Variants in GPC5 observed in about 807,000 individuals in gnomAD.
GPC5 encodes the protein glypican-5.
In GPC5, 47 loss-of-function variants were observed where a neutral mutation model predicts 53.9. The observed-to-expected ratio is 0.87, with a 90% CI of 0.69 to 1.11. The LOEUF is 1.11. Ranked by LOEUF, GPC5 falls within the 50% of genes most tolerant of loss-of-function variation. The probability of loss-of-function intolerance (pLI) is 0.00; values close to 1 mark genes in which losing one functional copy is unlikely to be tolerated. For synonymous variants in GPC5, 286 were observed against 263.3 expected, an observed-to-expected ratio of 1.09 and a Z score of -0.84; for missense variants, 748 against 713.1, an observed-to-expected ratio of 1.05 and a Z score of -0.56.
intron 6 of GPC5, among the ~76,000 whole-genome samples, chr13:91,920,290 T>C (rs1566342328): frequency 6.6e-6 from 1 of 152,012 alleles, no homozygotes; most frequent in African/African-American, 2.4e-5. Flanking sequence ...AAAATAAATA[T>C]ATTAAAAATT....
At chr13:91,550,966 T>C (rs2030603809) in intron 2 of GPC5, among the ~76,000 whole-genome samples, 1 of 152,150 alleles carries the variant, frequency 6.6e-6, no homozygotes, top group Non-Finnish European at 1.5e-5. Context: ...GAATTGTGAG[T>C]CAACTAAACC....
At chr13:92,072,010 T>C (rs2041215561) in intron 6 of GPC5, among the ~76,000 whole-genome samples, 1 of 146,410 alleles carries the variant, frequency 6.8e-6, no homozygotes, top group African/African-American at 2.5e-5. Flanking sequence ...TATTGATAGG[T>C]ATTTATATCC....
At chr13:92,107,464 C>G (rs112634194) in intron 6 of GPC5, among the ~76,000 whole-genome samples, 8 of 152,144 alleles carry the variant, frequency 5.3e-5, no homozygotes, top group African/African-American at 1.9e-4. Flanking sequence ...CTTAATAACC[C>G]TGCAGACTTA....
intron 7 of GPC5, among the ~76,000 whole-genome samples, chr13:92,186,689 C>G (rs1433880241): frequency 6.6e-6 from 1 of 152,114 alleles, no homozygotes; most frequent in Admixed American, 6.5e-5. Context: ...CTGACTGCAT[C>G]GTCAAGGATT....
intron 7 of GPC5, among the ~76,000 whole-genome samples, chr13:92,280,262 A>G (rs7139387): frequency 0.026 from 3,919 of 152,160 alleles, 161 homozygotes; most frequent in African/African-American, 0.09. Flanking sequence ...CTGTCTTCTT[A>G]GTATAAGGAT....
At chr13:91,651,718 C>CAAG (rs1555334078) in intron 2 of GPC5, among the ~76,000 whole-genome samples, 3 of 91,872 alleles carry the variant, frequency 3.3e-5, no homozygotes, top group Non-Finnish European at 7.6e-5. Flanking sequence ...AACTCAGTCT[C>CAAG]AAAAAAAAAA....
chr13:92,662,614 A>G (rs1454039806), intron 7 of GPC5, among the ~76,000 whole-genome samples: 1 of 152,164 alleles, frequency 6.6e-6, no homozygotes, highest in Non-Finnish European at 1.5e-5. Context: ...TTTCCTTTGG[A>G]TAACTGCCAC....
At chr13:92,679,381 T>G (rs1173264534) in intron 7 of GPC5, among the ~76,000 whole-genome samples, 1 of 152,148 alleles carries the variant, frequency 6.6e-6, no homozygotes, top group African/African-American at 2.4e-5. Flanking sequence ...AGACCTATGC[T>G]TATTAGCAGG....
At chr13:91,707,638 C>T (rs1346741895) in intron 3 of GPC5, among the ~76,000 whole-genome samples, 1 of 151,940 alleles carries the variant, frequency 6.6e-6, no homozygotes, top group African/African-American at 2.4e-5. Context: ...ATAATAAAAA[C>T]AAAGATAAAT....
intron 7 of GPC5, among the ~76,000 whole-genome samples, chr13:92,270,991 A>C (rs2042835753): frequency 6.6e-6 from 1 of 152,152 alleles, no homozygotes; most frequent in African/African-American, 2.4e-5. Context: ...CTTTAGAAAT[A>C]TTTGGTTTGG....
chr13:91,988,760 A>AGATTGG (rs2040431233), intron 6 of GPC5, among the ~76,000 whole-genome samples: 29 of 152,142 alleles, frequency 1.9e-4, no homozygotes, highest in Non-Finnish European at 2.6e-4. Flanking sequence ...ATCAAGCTTT[A>AGATTGG]AGGTCTGTTA....
intron 7 of GPC5, among the ~76,000 whole-genome samples, chr13:92,209,770 C>G (rs1183212164): frequency 6.6e-6 from 1 of 151,992 alleles, no homozygotes; most frequent in Admixed American, 6.6e-5. Context: ...TTAGGGTTCT[C>G]TAGAGGGACA....
chr13:92,614,810 C>T (rs1019914018), intron 7 of GPC5, among the ~76,000 whole-genome samples: 2 of 152,240 alleles, frequency 1.3e-5, no homozygotes, highest in East Asian at 1.9e-4. Context: ...TTTTCAAATT[C>T]TTACTTCTTC....
intron 7 of GPC5, among the ~76,000 whole-genome samples, chr13:92,468,314 G>A (rs1878781076): frequency 6.6e-6 from 1 of 152,094 alleles, no homozygotes; most frequent in Non-Finnish European, 1.5e-5. Flanking sequence ...AAATAAAGCT[G>A]TGCAGGAAGT....
chr13:91,686,261 C>G (rs1316453387), intron 2 of GPC5, among the ~76,000 whole-genome samples: 1 of 151,838 alleles, frequency 6.6e-6, no homozygotes, highest in African/African-American at 2.4e-5. Flanking sequence ...AAATGTGAAG[C>G]ACCATGAAGC....
At chr13:92,278,635 G>T (rs913259664) in intron 7 of GPC5, among the ~76,000 whole-genome samples, 1 of 151,934 alleles carries the variant, frequency 6.6e-6, no homozygotes, top group African/African-American at 2.4e-5. Flanking sequence ...TTTACCCTGT[G>T]ATTTCTTTCA....
chr13:91,977,810 C>A (rs903481580), intron 6 of GPC5, among the ~76,000 whole-genome samples: 1 of 151,966 alleles, frequency 6.6e-6, no homozygotes, highest in Non-Finnish European at 1.5e-5. Context: ...TTTTGTTCAA[C>A]CTGTTATAAA....
At position 92,162,964 on chromosome 13, in the gene GPC5, T is replaced by A. The variant is rs114445388; in HGVS notation, c.1561+17975T>A. Among the ~76,000 whole-genome samples the A allele has an allele frequency of 8.4e-3, 1,280 of 152,228 alleles. 30 individuals carry two copies. Among genetic ancestry groups the A allele is most frequent in the African/African-American group, 0.029 (1,221 of 41,534 alleles). On this transcript the variant is annotated intron_variant, in intron 7 of 7. Coordinates refer to ENST00000377067, the MANE Select transcript of GPC5 (RefSeq NM_004466.6). ...ACACTGAATTTAGCTGATTTTTTCA[T>A]AGACTATGAGCTTCTAAAAAATCAT...
chr13:91,816,975 C>T (rs890998661), intron 5 of GPC5, among the ~76,000 whole-genome samples: 3 of 152,162 alleles, frequency 2.0e-5, no homozygotes, highest in Admixed American at 6.6e-5. Flanking sequence ...ACTAAGAACA[C>T]GTATTTCTCT....
Sources: allele counts gnomAD v4.1 joint callset (sites outside exome capture counted in the v4.1 genomes callset), GRCh38; gene constraint gnomAD v4.1.1; transcripts MANE v1.5; gene names NCBI Gene and HGNC (gene_info 2026-07-23, HGNC 2026-07-21).